CELF2: variants seen among roughly 807,000 people sequenced by gnomAD.
CELF2 encodes CUG triplet repeat RNA-binding protein 2.
CELF2 carries 8 observed loss-of-function variants against 62.6 expected under a neutral mutation model. That is an observed-to-expected ratio of 0.13 (90% confidence interval 0.07 to 0.23). CELF2 has a LOEUF of 0.23. Among genes scored for constraint, CELF2 ranks in the 10% least tolerant of loss-of-function variants. The pLI is 1.00. For synonymous variants in CELF2, 258 were observed against 250.0 expected, an observed-to-expected ratio of 1.03 and a Z score of -0.30; for missense variants, 333 against 671.0, an observed-to-expected ratio of 0.50 and a Z score of 5.56.
chr10:10,789,911 A>G, the CELF2 span, among the ~76,000 whole-genome samples: 1 of 152,084 alleles, frequency 6.6e-6, no homozygotes, highest in African/African-American at 2.4e-5. Context: ...TATGAACTCA[A>G]ACATGAACTT....
Position 11,331,964 on chromosome 10 carries a change from T to G in CELF2, c.*2911T>G, listed in dbSNP as rs1035886131. The G allele has an allele frequency of 6.6e-6, 1 of 152,310 alleles. No homozygotes were observed. The highest frequency in any genetic ancestry group is 2.4e-5 in the African/African-American group (1 of 41,472). 9.4% of individuals were successfully genotyped at this position (152,310 alleles called of 1,614,324 possible). Reference sequence around the variant, plus strand: ...CCCTGCATCTATCCTCTAAGTTGTTTCGGTTTGACTACTTTGTTCTTTGGT... The same window carrying G: ...CCCTGCATCTATCCTCTAAGTTGTTGCGGTTTGACTACTTTGTTCTTTGGT... On this transcript the variant is annotated 3_prime_UTR_variant, in exon 13 of 13. Coordinates refer to ENST00000633077, the MANE Select transcript of CELF2 (RefSeq NM_001326342.2).
chr10:10,644,402 CGTGTGTGT>C, the CELF2 span, among the ~76,000 whole-genome samples: 5 of 149,854 alleles, frequency 3.3e-5, no homozygotes, highest in East Asian at 4.0e-4. Context: ...AGTGTGTGTT[CGTGTGTGT>C]GTGTGTGTGT....
intron 1 of CELF2, among the ~76,000 whole-genome samples, chr10:11,121,402 T>G (rs1009169806): frequency 6.6e-6 from 1 of 152,206 alleles, no homozygotes; most frequent in Non-Finnish European, 1.5e-5. Flanking sequence ...TTTTCTGTTT[T>G]GCAGTACCCT....
the CELF2 span, among the ~76,000 whole-genome samples, chr10:10,464,925 C>T: frequency 6.6e-6 from 1 of 152,092 alleles, no homozygotes; most frequent in Non-Finnish European, 1.5e-5. Context: ...TTTCTTCTGC[C>T]CTCACTGAAG....
rs2066744404 is a variant in CELF2, at chr10:11,165,317, G to T, written c.75-169G>T. On this transcript the variant is annotated intron_variant, in intron 1 of 12. Transcript: ENST00000633077. The surrounding 1 kb of genome is among the most constrained non-coding windows in gnomAD (Gnocchi z 7.4). ...TCGCCGCCGCCGAGGAGCAACTCATGGTGCCTCCGCTTTGTTTTAGTTCAT... is the reference window on the plus strand; with the variant it reads ...TCGCCGCCGCCGAGGAGCAACTCATTGTGCCTCCGCTTTGTTTTAGTTCAT... The T allele has an allele frequency of 1.4e-6, 2 of 1,414,524 alleles. No individual in the cohort carries two copies. The highest frequency in any genetic ancestry group is 1.5e-5 in the South Asian group (1 of 64,852). 87.6% of individuals were successfully genotyped at this position (1,414,524 alleles called of 1,614,324 possible).
chr10:11,069,020 T>A (rs544658794), intron 1 of CELF2, among the ~76,000 whole-genome samples: 26 of 152,190 alleles, frequency 1.7e-4, no homozygotes, highest in Non-Finnish European at 3.5e-4. Context: ...AATTTGTTCA[T>A]CCATGCTTAT....
At chr10:10,940,837 G>GT (rs750225217) in intron 2 of CELF2, among the ~76,000 whole-genome samples, 1 of 152,082 alleles carries the variant, frequency 6.6e-6, no homozygotes, top group Non-Finnish European at 1.5e-5. Flanking sequence ...AAATATATAT[G>GT]TTTTTGGCTT....
chr10:11,303,848 G>A lies in CELF2; in HGVS notation c.977-10291G>A, dbSNP rs190835840. Among the ~76,000 whole-genome samples the A allele has an allele frequency of 7.1e-3, 1,084 of 152,258 alleles. 11 individuals are homozygous for A. The highest frequency in any genetic ancestry group is 0.025 in the African/African-American group (1,033 of 41,522). On this transcript the variant is annotated intron_variant, in intron 9 of 12. Coordinates refer to ENST00000633077, the MANE Select transcript of CELF2 (RefSeq NM_001326342.2). ...GCCAGACCCCTGGGTTTAAATTCTG[G>A]CTCTGCCACTGAGAGTTGTGTGACC... is the stretch of plus-strand genomic sequence containing the variant.
At chr10:11,323,921 CTTT>C (rs35018494) in intron 11 of CELF2, among the ~76,000 whole-genome samples, 17 of 146,278 alleles carry the variant, frequency 1.2e-4, no homozygotes, top group South Asian at 8.6e-4. Context: ...CATATGAAAT[CTTT>C]TTTTTTTTTT....
chr10:10,854,970 G>A (rs551086302), intron 1 of CELF2, among the ~76,000 whole-genome samples: 2 of 152,124 alleles, frequency 1.3e-5, no homozygotes, highest in African/African-American at 2.4e-5. Flanking sequence ...TTTCCAACAC[G>A]ATGAGGGTGT....
At chr10:10,572,759 G>A in the CELF2 span, among the ~76,000 whole-genome samples, 78 of 152,078 alleles carry the variant, frequency 5.1e-4, no homozygotes, top group Admixed American at 2.2e-3. Context: ...GTCTATCATC[G>A]ATGATGGGCA....
At chr10:10,559,224 A>G in the CELF2 span, among the ~76,000 whole-genome samples, 95 of 152,274 alleles carry the variant, frequency 6.2e-4, no homozygotes, top group African/African-American at 1.9e-3. Flanking sequence ...AGTATTAAGC[A>G]TGTCTGACCT....
rs1015071223 is a variant in CELF2 at position 11,306,028 on chromosome 10, C to T, written c.977-8111C>T. 9.9e-5 allele frequency among the ~76,000 whole-genome samples: 15 copies of T among 152,224 alleles called. No homozygotes were observed. Among genetic ancestry groups the T allele is most frequent in the African/African-American group, 3.6e-4 (15 of 41,464 alleles). On this transcript the variant is annotated intron_variant, in intron 9 of 12. Transcript: ENST00000633077. The surrounding 1 kb of genome is among the most constrained non-coding windows in gnomAD (Gnocchi z 4.4). ...CTCAACCATTCTCTTTCCTGGCACG[C>T]CAGCTGGCCTGAACGTCCGTCGCCT...
chr10:11,186,828 G>A (rs2075074498), intron 2 of CELF2, among the ~76,000 whole-genome samples: 1 of 152,148 alleles, frequency 6.6e-6, no homozygotes, highest in South Asian at 2.1e-4. Flanking sequence ...TTTGGATAAA[G>A]GATCTCAACC....
chr10:11,129,168 G>T (rs1329920142), intron 1 of CELF2, among the ~76,000 whole-genome samples: 1 of 152,200 alleles, frequency 6.6e-6, no homozygotes, highest in Non-Finnish European at 1.5e-5. Context: ...CTGTTTATAT[G>T]ATGGATTACG....
chr10:10,463,571 A>T, the CELF2 span, among the ~76,000 whole-genome samples: 1 of 152,194 alleles, frequency 6.6e-6, no homozygotes, highest in East Asian at 1.9e-4. Context: ...ATAAAGAAGA[A>T]AAAAACATAG....
intron 1 of CELF2, among the ~76,000 whole-genome samples, chr10:11,083,911 G>T (rs1297239469): frequency 2.0e-5 from 3 of 152,192 alleles, no homozygotes; most frequent in African/African-American, 7.2e-5. Context: ...TCTTCACTCT[G>T]TGCTTCCCGT....
chr10:10,515,707 T>C, the CELF2 span, among the ~76,000 whole-genome samples: 1 of 152,268 alleles, frequency 6.6e-6, no homozygotes, highest in African/African-American at 2.4e-5. Flanking sequence ...GTTGGAAAGA[T>C]CAGGAGTCAG....
At chr10:10,477,751 T>A in the CELF2 span, among the ~76,000 whole-genome samples, 753 of 147,764 alleles carry the variant, frequency 5.1e-3, 9 homozygotes, top group African/African-American at 0.018. Flanking sequence ...AGATAAAAAC[T>A]ATATGTGGCC....
Sources: gnomAD v4.1 joint callset for allele counts (sites outside exome capture counted in the v4.1 genomes callset) on GRCh38, gnomAD v4.1.1 for gene constraint, Gnocchi (gnomAD v3.1) non-coding constraint, MANE v1.5 for transcripts, NCBI Gene and HGNC (gene_info 2026-07-23, HGNC 2026-07-21) for gene names.